The following PICALM variants were observed in gnomAD, a reference collection of about 807,000 sequenced individuals.
The protein encoded by PICALM is phosphatidylinositol-binding clathrin assembly protein.
Under a neutral mutation model 80.5 loss-of-function variants are expected in PICALM, and 40 were observed. The observed-to-expected ratio is 0.50, with a 90% CI of 0.39 to 0.65. The LOEUF (loss-of-function observed/expected upper bound fraction) is 0.65. Ranked by LOEUF, PICALM falls within the 30% of genes least tolerant of loss-of-function variation. The pLI is 0.00. For synonymous variants in PICALM, 288 were observed against 260.3 expected (o/e 1.11, Z -1.02); for missense variants, 676 against 778.9 (o/e 0.87, Z 1.57).
intron 3 of PICALM, among the ~76,000 whole-genome samples, chr11:86,024,870 T>C (rs569910236): frequency 6.6e-6 from 1 of 152,314 alleles, no homozygotes; most frequent in East Asian, 1.9e-4. Flanking sequence ...AGCCAACTCA[T>C]CTTCTCATCC....
chr11:85,963,798 C>T (rs2093775169), intron 19 of PICALM, among the ~76,000 whole-genome samples: 2 of 151,964 alleles, frequency 1.3e-5, no homozygotes, highest in Middle Eastern at 3.2e-3. Context: ...GTTCTGTCAC[C>T]CAGGCTGTAG....
In PICALM at chr11:85,981,169, G is replaced by C. The variant is rs1175287863; in HGVS notation, c.1739C>G (p.Pro580Arg). 1 of 1,609,148 alleles carries C rather than the reference G, an allele frequency of 6.2e-7. No individual in the cohort carries two copies. Among genetic ancestry groups the C allele is most frequent in the East Asian group, 2.2e-5 (1 of 44,848 alleles). Reference protein sequence around the residue: ...KKLTGGSNWQPKVAPTTAWNA... With the variant: ...KKLTGGSNWQRKVAPTTAWNA... Reference sequence around the variant, plus strand: ...CCAAGCGGTTGTTGGTGCAACCTTTGGTTGCCAGTTAGATCCCCCAGTTAA... The same window carrying C: ...CCAAGCGGTTGTTGGTGCAACCTTTCGTTGCCAGTTAGATCCCCCAGTTAA... The change falls in exon 17 of 20, where the codon CCA becomes CGA. Residue 580 changes from proline (P) to arginine (R), a missense_variant. Coordinates refer to ENST00000393346, the MANE Select transcript of PICALM (RefSeq NM_007166.4).
At chr11:85,979,382 C>T (rs1227020396) in intron 17 of PICALM, among the ~76,000 whole-genome samples, 4 of 151,356 alleles carry the variant, frequency 2.6e-5, no homozygotes, top group East Asian at 1.9e-4. Context: ...CCCAGCTACT[C>T]GGGAGGCTAA....
intron 4 of PICALM, among the ~76,000 whole-genome samples, chr11:86,016,085 T>C (rs1457048530): frequency 6.6e-6 from 1 of 152,214 alleles, no homozygotes; most frequent in Non-Finnish European, 1.5e-5. Flanking sequence ...CTGCTGGAGC[T>C]TGGGCTGAGG....
chr11:86,037,330 G>A (rs548462317), intron 1 of PICALM, among the ~76,000 whole-genome samples: 1 of 146,882 alleles, frequency 6.8e-6, no homozygotes, highest in Admixed American at 6.9e-5. Context: ...TGTGATCTCG[G>A]CTCACTGCCA....
intron 1 of PICALM, among the ~76,000 whole-genome samples, chr11:86,058,764 T>C (rs2096308644): frequency 6.6e-6 from 1 of 152,214 alleles, no homozygotes. Flanking sequence ...AAAATGAGTC[T>C]ACTGTACAGT....
chr11:85,972,278 A>C (rs2094135991), intron 19 of PICALM, among the ~76,000 whole-genome samples: 2 of 152,218 alleles, frequency 1.3e-5, no homozygotes, highest in East Asian at 3.8e-4. Flanking sequence ...AAACCTAAGG[A>C]GTGTGCAGAC....
intron 1 of PICALM, among the ~76,000 whole-genome samples, chr11:86,032,248 G>GA (rs1489836608): frequency 6.6e-6 from 1 of 151,860 alleles, no homozygotes; most frequent in African/African-American, 2.4e-5. Context: ...AACAAAACTG[G>GA]AAAAAAAGAT....
chr11:85,981,563 C>A (rs191522512), intron 16 of PICALM, among the ~76,000 whole-genome samples, 182 bp downstream of exon 16: 9 of 150,938 alleles, frequency 6.0e-5, no homozygotes, highest in Admixed American at 4.0e-4. Flanking sequence ...GCCGAGATTG[C>A]GCCACTGTAC....
chr11:86,009,131 C>G (rs539005278), intron 7 of PICALM, among the ~76,000 whole-genome samples: 9 of 149,836 alleles, frequency 6.0e-5, no homozygotes, highest in African/African-American at 2.0e-4. Flanking sequence ...ATGGTGAAAC[C>G]TCATCTCTAA....
intron 7 of PICALM, among the ~76,000 whole-genome samples, chr11:86,008,183 C>CAAAA: frequency 6.6e-6 from 1 of 151,896 alleles, no homozygotes. Context: ...CAATTTCCAG[C>CAAAA]AAAAAAAGAT....
At chr11:85,990,634 CCA>C (rs1320678490) in intron 12 of PICALM, among the ~76,000 whole-genome samples, 2 of 152,092 alleles carry the variant, frequency 1.3e-5, no homozygotes, top group African/African-American at 2.4e-5. Context: ...CACCACAAAG[CCA>C]ACAGTCAGGT....
chr11:86,055,004 T>C (rs1415379202), intron 1 of PICALM, among the ~76,000 whole-genome samples: 1 of 152,176 alleles, frequency 6.6e-6, no homozygotes, highest in Non-Finnish European at 1.5e-5. Context: ...AAATATGATT[T>C]TTTTTAAATG....
intron 1 of PICALM, among the ~76,000 whole-genome samples, chr11:86,057,882 T>A (rs1271717739): frequency 3.3e-5 from 5 of 152,152 alleles, no homozygotes; most frequent in Admixed American, 3.3e-4. Flanking sequence ...ACCCTTGGAT[T>A]TTCTTATCTG....
intron 19 of PICALM, among the ~76,000 whole-genome samples, chr11:85,973,501 G>A (rs1313994535): frequency 6.6e-6 from 1 of 152,100 alleles, no homozygotes; most frequent in African/African-American, 2.4e-5. Flanking sequence ...CACTGTTACT[G>A]TTCTATTATT....
chr11:85,990,328 T>C lies in PICALM; in HGVS notation c.1330A>G (p.Ser444Gly). 2.5e-6 allele frequency: 4 copies of C among 1,605,660 alleles called. No homozygotes were observed. The highest frequency in any genetic ancestry group is 3.4e-6 in the Non-Finnish European group (4 of 1,172,616). ...GAAATGGAAAGGTGAACATCACCACTACTTTTTGTGAGGAAAGGATTTAAG... is the reference window on the plus strand; with the variant it reads ...GAAATGGAAAGGTGAACATCACCACCACTTTTTGTGAGGAAAGGATTTAAG... ...PSLNPFLTKS[S>G]GDVHLSISSD... The change falls in exon 13 of 20, where the codon AGT (serine) becomes GGT (glycine). Residue 444 changes from serine to glycine, a missense_variant. Around this residue, in one of 2 missense-constraint regions of PICALM, gnomAD observed 391 missense variants for 383.6 expected, o/e 1.02. Transcript: ENST00000393346.
chr11:86,034,159 ACT>A (rs2095803989), intron 1 of PICALM, among the ~76,000 whole-genome samples: 1 of 152,230 alleles, frequency 6.6e-6, no homozygotes, highest in Admixed American at 6.5e-5. Context: ...AAGAATTCAC[ACT>A]GAGATTATGA....
At chr11:86,042,094 A>G (rs1706812567) in intron 1 of PICALM, among the ~76,000 whole-genome samples, 1 of 152,202 alleles carries the variant, frequency 6.6e-6, no homozygotes, top group Admixed American at 6.5e-5. Flanking sequence ...GACTGTACAG[A>G]GGAACAACAG....
At position 85,958,805 on chromosome 11, in the gene PICALM, A is replaced by G. The variant is rs544239281; in HGVS notation, c.*241T>C. On this transcript the variant is annotated 3_prime_UTR_variant, in exon 20 of 20. Transcript: ENST00000393346. ...TGAAAGAATTGAAGGGTTAGTCACC[A>G]AAAAGACAGATCTTAGTCTTAAATC... 8.4e-5 allele frequency: 34 copies of G among 404,004 alleles called. No individual in the cohort carries two copies. In the East Asian group the frequency reaches 1.2e-3, roughly 14 times the overall value. The allele number at this position is 404,004 out of a possible 1,614,324, so 25.0% of individuals were successfully genotyped here.
Sources: gnomAD v4.1 joint callset for allele counts (sites outside exome capture counted in the v4.1 genomes callset) on GRCh38, gnomAD v4.1.1 for gene constraint, gnomAD v4.1.1 regional missense constraint, MANE v1.5 for transcripts, NCBI Gene and HGNC (gene_info 2026-07-23, HGNC 2026-07-21) for gene names.